Variants in KLRG1 observed in about 807,000 individuals in gnomAD.
KLRG1 encodes killer cell lectin-like receptor subfamily G member 1.
In KLRG1, 16 loss-of-function variants were observed where a neutral mutation model predicts 21.8. The ratio of observed to expected loss-of-function variants is 0.73; its 90% CI spans 0.50 to 1.11. The LOEUF is 1.11. Among genes scored for constraint, KLRG1 ranks in the 50% most tolerant of loss-of-function variants. The probability of loss-of-function intolerance (pLI) is 0.00; values close to 1 mark genes in which losing one functional copy is unlikely to be tolerated. For missense variants in KLRG1, 173 were observed against 218.3 expected (o/e 0.79, Z 1.31); for synonymous variants, 69 against 75.9 (o/e 0.91, Z 0.47).
the KLRG1 span, among the ~76,000 whole-genome samples, chr12:9,062,737 TATC>T: frequency 3.2e-4 from 48 of 148,110 alleles, no homozygotes; most frequent in African/African-American, 1.1e-3. Flanking sequence ...TATAGTATAT[TATC>T]ATTTATAATA....
At chr12:9,039,766 T>C in the KLRG1 span, among the ~76,000 whole-genome samples, 2 of 152,358 alleles carry the variant, frequency 1.3e-5, no homozygotes, top group African/African-American at 2.4e-5. Context: ...ATTTTCTCAC[T>C]ACCTTGATTC....
chr12:8,956,806 C>T (rs1221983024), intron 1 of KLRG1, among the ~76,000 whole-genome samples: 2 of 152,334 alleles, frequency 1.3e-5, no homozygotes, highest in Admixed American at 6.5e-5. Context: ...GCGTTCCCTT[C>T]GTTCATATGC....
chr12:9,202,406 G>A, the KLRG1 span: 1 of 1,613,996 alleles, frequency 6.2e-7, no homozygotes, highest in African/African-American at 1.3e-5. Context: ...ATTCAGACAT[G>A]ATAAAGCAGG....
At chr12:9,207,094 G>T in the KLRG1 span, among the ~76,000 whole-genome samples, 1 of 152,140 alleles carries the variant, frequency 6.6e-6, no homozygotes. Flanking sequence ...AGACTTACTG[G>T]ATTGAACTCC....
At chr12:9,138,138 G>A in the KLRG1 span, among the ~76,000 whole-genome samples, 2 of 152,030 alleles carry the variant, frequency 1.3e-5, no homozygotes. Flanking sequence ...CGTTGAGTCT[G>A]ATATTATCTA....
the KLRG1 span, among the ~76,000 whole-genome samples, chr12:9,017,960 A>G: frequency 6.6e-6 from 1 of 152,252 alleles, no homozygotes; most frequent in African/African-American, 2.4e-5. Context: ...TAGCATTTCT[A>G]TATGCCAACA....
At chr12:8,986,804 C>T (rs770716946), upstream of KLRG1, among the ~76,000 whole-genome samples, 6 of 152,042 alleles carry the variant, frequency 3.9e-5, no homozygotes, top group Non-Finnish European at 7.4e-5. Context: ...GATTGGATCA[C>T]GCGGATGGTT....
chr12:8,964,953 G>T (rs959002738), intron 1 of KLRG1, among the ~76,000 whole-genome samples: 1 of 151,898 alleles, frequency 6.6e-6, no homozygotes, highest in Non-Finnish European at 1.5e-5. Flanking sequence ...ATGGGTTTCC[G>T]GAATACAGCA....
the KLRG1 span, chr12:9,164,330 C>A: frequency 1.3e-6 from 2 of 1,497,604 alleles, no homozygotes; most frequent in African/African-American, 1.4e-5. Flanking sequence ...AGAATTGGGG[C>A]CAAGTGTGAG....
intron 1 of KLRG1, among the ~76,000 whole-genome samples, chr12:8,978,595 A>C (rs1946695495): frequency 6.6e-6 from 1 of 152,132 alleles, no homozygotes; most frequent in South Asian, 2.1e-4. Flanking sequence ...TGAGAAACCT[A>C]CTGATAGTCT....
chr12:8,978,911 C>T (rs1946708908), intron 1 of KLRG1, among the ~76,000 whole-genome samples: 1 of 151,854 alleles, frequency 6.6e-6, no homozygotes, highest in South Asian at 2.1e-4. Context: ...GACAGGGTTT[C>T]ACCATGTTGA....
chr12:9,180,785 A>C, the KLRG1 span, among the ~76,000 whole-genome samples: 10 of 152,352 alleles, frequency 6.6e-5, no homozygotes, highest in East Asian at 5.8e-4. Flanking sequence ...GCAACAAAAG[A>C]CAAAATTGAC....
chr12:9,089,431 G>A, the KLRG1 span, among the ~76,000 whole-genome samples: 1 of 152,108 alleles, frequency 6.6e-6, no homozygotes, highest in African/African-American at 2.4e-5. Context: ...ACAAATGAAG[G>A]AAAAATTAAG....
chr12:9,074,675 A>C, the KLRG1 span: 1 of 1,614,018 alleles, frequency 6.2e-7, no homozygotes. Context: ...GAGATAAGCG[A>C]GGAGCACATA....
At chr12:9,200,898 C>T in the KLRG1 span, 53 of 1,611,588 alleles carry the variant, frequency 3.3e-5, no homozygotes, top group Admixed American at 1.5e-4. Flanking sequence ...ATACCAAATT[C>T]CTCCACGGTG....
At chr12:9,109,764 T>A in the KLRG1 span, 6 of 1,163,542 alleles carry the variant, frequency 5.2e-6, no homozygotes, top group South Asian at 8.7e-5. Context: ...AAGCCCAATG[T>A]CACCCATGGG....
chr12:9,050,109 T>C, the KLRG1 span, among the ~76,000 whole-genome samples: 3 of 152,218 alleles, frequency 2.0e-5, no homozygotes, highest in Non-Finnish European at 2.9e-5. Context: ...TAGACTTAAT[T>C]ATTAAAATAG....
At chr12:9,034,160 G>A in the KLRG1 span, among the ~76,000 whole-genome samples, 2 of 152,212 alleles carry the variant, frequency 1.3e-5, no homozygotes, top group South Asian at 2.1e-4. Flanking sequence ...GCATAATGAT[G>A]TTTCGGTTAA....
At chr12:9,206,240 A>ATT in the KLRG1 span, among the ~76,000 whole-genome samples, 1 of 151,600 alleles carries the variant, frequency 6.6e-6, no homozygotes, top group South Asian at 2.1e-4. Flanking sequence ...TGATCTTAAT[A>ATT]AGAAGGTATA....
Sources: gnomAD v4.1 joint callset for allele counts (sites outside exome capture counted in the v4.1 genomes callset) on GRCh38, gnomAD v4.1.1 for gene constraint, MANE v1.5 for transcripts, NCBI Gene and HGNC (gene_info 2026-07-23, HGNC 2026-07-21) for gene names.